Variants in SFXN5 observed in about 807,000 individuals in gnomAD.
The protein encoded by SFXN5 is sideroflexin-5.
SFXN5 carries 43 observed loss-of-function variants against 50.2 expected under a neutral mutation model. The observed-to-expected ratio is 0.86, with a 90% CI of 0.67 to 1.11. SFXN5 has a LOEUF of 1.11. Ranked by LOEUF, SFXN5 falls within the 50% of genes least tolerant of loss-of-function variation. The pLI is 0.00. For missense variants in SFXN5, 463 were observed against 454.1 expected (o/e 1.02, Z -0.18); for synonymous variants, 203 against 185.8 (o/e 1.09, Z -0.75).
chr2:72,968,288 C>T (rs907714494), intron 12 of SFXN5, among the ~76,000 whole-genome samples, 160 bp downstream of exon 12: 1 of 152,138 alleles, frequency 6.6e-6, no homozygotes, highest in Non-Finnish European at 1.5e-5. Flanking sequence ...TGTGGCACTA[C>T]CTGGAAAGTC....
At chr2:73,047,107 C>A (rs1389655096) in intron 2 of SFXN5, among the ~76,000 whole-genome samples, 2 of 147,510 alleles carry the variant, frequency 1.4e-5, no homozygotes, top group African/African-American at 5.0e-5. Flanking sequence ...CACCTGTAAT[C>A]CCAGCTACTC....
intron 1 of SFXN5, chr2:73,071,351 G>A: frequency 2.1e-6 from 1 of 468,430 alleles, no homozygotes; most frequent in South Asian, 2.9e-5. Context: ...CCGCGGGCGG[G>A]AAAGGCTAGA....
At chr2:73,004,913 C>A (rs1013473125) in intron 6 of SFXN5, among the ~76,000 whole-genome samples, 7 of 152,236 alleles carry the variant, frequency 4.6e-5, no homozygotes, top group Non-Finnish European at 8.8e-5. Context: ...ATGTTCCCTT[C>A]AGCTCTCAGA....
chr2:73,047,219 TAAAAAA>T (rs748772614), intron 2 of SFXN5, among the ~76,000 whole-genome samples: 277 of 27,436 alleles, frequency 0.01, 5 homozygotes, highest in Admixed American at 0.02. Context: ...CTCCATCTCG[TAAAAAA>T]AAAAAAAAAA....
intron 1 of SFXN5, chr2:73,059,523 C>A (rs1682572439): frequency 1.0e-6 from 1 of 985,390 alleles, no homozygotes; most frequent in Non-Finnish European, 1.2e-6. Flanking sequence ...AATTCCTGTT[C>A]CTTTCCCTTC....
At chr2:73,031,202 C>T (rs746536494) in intron 3 of SFXN5, among the ~76,000 whole-genome samples, 4 of 152,212 alleles carry the variant, frequency 2.6e-5, no homozygotes, top group Admixed American at 6.5e-5. Flanking sequence ...TGCAATGAGG[C>T]TTGTCCATGT....
At chr2:73,041,040 GCCTGC>G (rs1325729804) in intron 2 of SFXN5, 109 bp from the exon 3 acceptor site, 4 of 766,562 alleles carry the variant, frequency 5.2e-6, no homozygotes, top group Non-Finnish European at 8.3e-6. Context: ...AAGGCTTTGG[GCCTGC>G]CCTCAGTTCA....
At chr2:72,963,967 G>A (rs116636000) in intron 12 of SFXN5, among the ~76,000 whole-genome samples, 3 of 152,320 alleles carry the variant, frequency 2.0e-5, no homozygotes, top group Admixed American at 6.5e-5. Context: ...AGCCCAGTGC[G>A]CTGGACTGGG....
chr2:73,022,192 G>A (rs1276684121), intron 5 of SFXN5, among the ~76,000 whole-genome samples: 1 of 152,186 alleles, frequency 6.6e-6, no homozygotes, highest in Non-Finnish European at 1.5e-5. Context: ...AGAAGCCAGG[G>A]CTTGCTTACA....
chr2:73,032,671 G>A (rs1379973599), intron 3 of SFXN5, among the ~76,000 whole-genome samples: 3 of 152,020 alleles, frequency 2.0e-5, no homozygotes, highest in Non-Finnish European at 4.4e-5. Flanking sequence ...AATCTGGCTC[G>A]CTCCCCTTCC....
intron 1 of SFXN5, among the ~76,000 whole-genome samples, chr2:73,060,800 A>G (rs1419090142): frequency 6.6e-6 from 1 of 150,762 alleles, no homozygotes; most frequent in Non-Finnish European, 1.5e-5. Context: ...CTCCCGAGTT[A>G]GCAATTCTCC....
intron 10 of SFXN5, among the ~76,000 whole-genome samples, chr2:72,980,544 G>C (rs953790409): frequency 6.6e-6 from 1 of 152,076 alleles, no homozygotes; most frequent in Non-Finnish European, 1.5e-5. Context: ...TGAGAATTTG[G>C]GGAGAGTTTC....
At chr2:72,948,849 G>T (rs1672229752) in intron 13 of SFXN5, among the ~76,000 whole-genome samples, 1 of 152,222 alleles carries the variant, frequency 6.6e-6, no homozygotes, top group Non-Finnish European at 1.5e-5. Flanking sequence ...CCTGTCAGCA[G>T]ATGTTGATGG....
chr2:73,027,331 A>G (rs1380138155), intron 3 of SFXN5, among the ~76,000 whole-genome samples: 1 of 152,254 alleles, frequency 6.6e-6, no homozygotes, highest in African/African-American at 2.4e-5. Context: ...AAAATAGGAA[A>G]GAGCTTATAG....
chr2:73,071,544 G>C (rs1683625399), intron 1 of SFXN5, 60 bp downstream of exon 1: 2 of 1,505,336 alleles, frequency 1.3e-6, no homozygotes, highest in African/African-American at 2.8e-5. Flanking sequence ...ACTTTGGAGG[G>C]GAGTTTGCTC....
In SFXN5 at chr2:73,064,569, G is replaced by C. The variant is rs552080202; in HGVS notation, c.103-5973C>G. Among the ~76,000 whole-genome samples the C allele has an allele frequency of 2.0e-5, 3 of 152,300 alleles. No homozygotes were observed. In the East Asian group the frequency reaches 5.8e-4, roughly 29 times the overall value. ...CTGTGATTTTAGAACTTTATTTCAA[G>C]CAAACTATGAGACATATCCCCCCTG... On this transcript the variant is annotated intron_variant, in intron 1 of 13. Transcript: ENST00000272433.
At chr2:73,042,078 A>G (rs1000095741) in intron 2 of SFXN5, among the ~76,000 whole-genome samples, 2 of 152,194 alleles carry the variant, frequency 1.3e-5, no homozygotes, top group African/African-American at 4.8e-5. Context: ...ACTAAAGTAC[A>G]TATGGCCAGA....
intron 2 of SFXN5, among the ~76,000 whole-genome samples, chr2:73,046,642 C>T (rs1428321000): frequency 6.6e-6 from 1 of 151,884 alleles, no homozygotes; most frequent in Non-Finnish European, 1.5e-5. Context: ...ACTGCCACTG[C>T]ACCCCAAAAA....
intron 6 of SFXN5, among the ~76,000 whole-genome samples, chr2:73,007,359 G>A (rs1674838324): frequency 6.6e-6 from 1 of 152,080 alleles, no homozygotes; most frequent in South Asian, 2.1e-4. Context: ...TGTTCGCCAA[G>A]ATAATGGAAA....
Sources: allele counts gnomAD v4.1 joint callset (sites outside exome capture counted in the v4.1 genomes callset), GRCh38; gene constraint gnomAD v4.1.1; transcripts MANE v1.5; gene names NCBI Gene and HGNC (gene_info 2026-07-23, HGNC 2026-07-21).